Variants in CHODL observed in about 807,000 individuals in gnomAD.
The protein encoded by CHODL is chondrolectin, also known as transmembrane protein MT75.
A neutral mutation model predicts 34.5 loss-of-function variants in CHODL; 29 were observed. The observed-to-expected ratio is 0.84, with a 90% CI of 0.63 to 1.15. The LOEUF is 1.15. Ranked by LOEUF, CHODL falls within the 50% of genes most tolerant of loss-of-function variation. The pLI is 0.00. For missense variants in CHODL, 332 were observed against 332.5 expected (o/e 1.00, Z 0.01); for synonymous variants, 125 against 116.1 (o/e 1.08, Z -0.49).
chr21:17,933,277 C>T (rs889826137), intron 1 of CHODL, among the ~76,000 whole-genome samples: 10 of 152,118 alleles, frequency 6.6e-5, no homozygotes, highest in African/African-American at 1.9e-4. Flanking sequence ...TTATGGGTGT[C>T]GGGCTGGGGG....
At chr21:18,249,583 T>G (rs868362332) in intron 1 of CHODL, among the ~76,000 whole-genome samples, 1 of 152,138 alleles carries the variant, frequency 6.6e-6, no homozygotes, top group Non-Finnish European at 1.5e-5. Context: ...CTTATGATTC[T>G]GACATAGATA....
chr21:18,037,325 TTTG>T (rs2064323155), intron 2 of CHODL, among the ~76,000 whole-genome samples: 1 of 151,942 alleles, frequency 6.6e-6, no homozygotes, highest in African/African-American at 2.4e-5. Flanking sequence ...AAATTCTTAT[TTTG>T]TTAGTAGGAG....
chr21:18,158,912 T>A (rs1244178485), intron 2 of CHODL, among the ~76,000 whole-genome samples: 1 of 151,558 alleles, frequency 6.6e-6, no homozygotes, highest in Non-Finnish European at 1.5e-5. Context: ...ATTTTCTTAG[T>A]GTATTGTGCA....
intron 2 of CHODL, among the ~76,000 whole-genome samples, chr21:18,113,045 A>AT (rs1481205514): frequency 6.6e-6 from 1 of 152,106 alleles, no homozygotes; most frequent in Non-Finnish European, 1.5e-5. Context: ...ACCAGAGTAT[A>AT]TAAGGAGCTC....
chr21:18,021,939 A>G (rs1454816704), intron 1 of CHODL, among the ~76,000 whole-genome samples: 3 of 152,212 alleles, frequency 2.0e-5, no homozygotes, highest in Non-Finnish European at 4.4e-5. Flanking sequence ...AACTCCTAAC[A>G]TGATGTTACT....
rs571106768 is a variant in CHODL at position 18,264,927 on chromosome 21, G to T, written c.738-1027G>T. On this transcript the variant is annotated intron_variant, in intron 5 of 5. Coordinates refer to ENST00000299295, the MANE Select transcript of CHODL (RefSeq NM_024944.3). ...AGCCGGAGAAGCGATGGGAGGAGGGGAATAGGCACATCCATACACATAGTA... is the reference window on the plus strand; with the variant it reads ...AGCCGGAGAAGCGATGGGAGGAGGGTAATAGGCACATCCATACACATAGTA... Among the ~76,000 whole-genome samples the T allele has an allele frequency of 2.0e-5, 3 of 152,070 alleles. No homozygotes were observed. The South Asian group carries it at 6.2e-4, about 32-fold the overall frequency.
intron 1 of CHODL, among the ~76,000 whole-genome samples, chr21:17,976,077 A>G (rs1433997199): frequency 6.6e-6 from 1 of 152,034 alleles, no homozygotes; most frequent in African/African-American, 2.4e-5. Flanking sequence ...ATGGATTAAA[A>G]GACACAATTT....
intron 2 of CHODL, among the ~76,000 whole-genome samples, chr21:18,129,918 G>C (rs910084364): frequency 3.4e-5 from 5 of 148,814 alleles, no homozygotes; most frequent in African/African-American, 1.2e-4. Flanking sequence ...GTGTGTGTGT[G>C]TGTGTGTGTG....
chr21:18,207,725 C>G (rs1053706282), intron 2 of CHODL, among the ~76,000 whole-genome samples: 1 of 139,430 alleles, frequency 7.2e-6, no homozygotes, highest in Admixed American at 7.5e-5. Context: ...AGGATATTAC[C>G]ATGGGATATA....
At chr21:18,041,559 T>A (rs1282980878) in intron 2 of CHODL, among the ~76,000 whole-genome samples, 1 of 151,908 alleles carries the variant, frequency 6.6e-6, no homozygotes, top group African/African-American at 2.4e-5. Flanking sequence ...ATTCACGTCA[T>A]GCAGATGCAT....
In CHODL at chr21:17,973,509, C is replaced by T. The variant is rs376004786; in HGVS notation, c.-144-54363C>T. Among the ~76,000 whole-genome samples, 26 of 150,832 alleles carry T rather than the reference C, an allele frequency of 1.7e-4. 1 individual carries two copies. In the East Asian group the frequency reaches 2.7e-3, roughly 16 times the overall value. Reference sequence around the variant, plus strand: ...TCGGCTCACTGCGAGCTCTGCCTTCCGAGTTCACGCCATTCTCCTGCCTCA... The same window carrying T: ...TCGGCTCACTGCGAGCTCTGCCTTCTGAGTTCACGCCATTCTCCTGCCTCA... On this transcript the variant is annotated intron_variant, in intron 1 of 6. Transcript: ENST00000400127.
At chr21:18,072,116 CA>C (rs2064812657) in intron 2 of CHODL, among the ~76,000 whole-genome samples, 1 of 151,852 alleles carries the variant, frequency 6.6e-6, no homozygotes, top group South Asian at 2.1e-4. Flanking sequence ...TGATTAAAAA[CA>C]ACGTTCTTAA....
chr21:18,193,248 G>C (rs2073532801), intron 2 of CHODL, among the ~76,000 whole-genome samples: 1 of 152,098 alleles, frequency 6.6e-6, no homozygotes, highest in Non-Finnish European at 1.5e-5. Context: ...AATTATACAA[G>C]ATATTGAAAT....
intron 2 of CHODL, among the ~76,000 whole-genome samples, chr21:18,113,448 T>C (rs950121731): frequency 2.6e-5 from 4 of 152,144 alleles, no homozygotes; most frequent in African/African-American, 9.7e-5. Flanking sequence ...AAAATAAGTT[T>C]AATTGGCTCA....
intron 2 of CHODL, among the ~76,000 whole-genome samples, chr21:18,119,929 T>G (rs776159909): frequency 6.6e-5 from 10 of 152,172 alleles, no homozygotes; most frequent in Non-Finnish European, 1.3e-4. Flanking sequence ...TTATTTTTCC[T>G]TGCAGAATTA....
chr21:18,260,149 C>A (rs2074362927), intron 3 of CHODL, 51 bp from the exon 4 acceptor site: 2 of 795,686 alleles, frequency 2.5e-6, no homozygotes, highest in East Asian at 3.1e-5. Context: ...TATATATTTT[C>A]AATTCTCTTG....
At chr21:18,200,573 G>A (rs1023598407) in intron 2 of CHODL, among the ~76,000 whole-genome samples, 1 of 152,088 alleles carries the variant, frequency 6.6e-6, no homozygotes, top group African/African-American at 2.4e-5. Context: ...CTCACAGATT[G>A]CATACATTTG....
At chr21:18,173,962 C>A (rs1430736745) in intron 2 of CHODL, among the ~76,000 whole-genome samples, 1 of 150,682 alleles carries the variant, frequency 6.6e-6, no homozygotes, top group South Asian at 2.1e-4. Context: ...TACTATTTAT[C>A]CCTGATAAAA....
rs996358247 is a variant in CHODL, at chr21:18,220,240, C to T, written c.-44-36269C>T. ...GTCTTTACAAGTGAAGTCAGATTTT[C>T]GTAGGTAGCATATAGTTCAGTCACT... On this transcript the variant is annotated intron_variant, in intron 2 of 6. Transcript: ENST00000400127. Among the ~76,000 whole-genome samples the T allele has an allele frequency of 1.3e-5, 2 of 152,066 alleles. 1 individual carries two copies. The highest frequency in any genetic ancestry group is 1.3e-4 in the Admixed American group (2 of 15,258).
Sources: allele counts gnomAD v4.1 joint callset (sites outside exome capture counted in the v4.1 genomes callset), GRCh38; gene constraint gnomAD v4.1.1; transcripts MANE v1.5; gene names NCBI Gene and HGNC (gene_info 2026-07-23, HGNC 2026-07-21).